Variants in PGD observed in about 807,000 individuals in gnomAD.
PGD encodes the protein phosphogluconate dehydrogenase, also known as 6-phosphogluconate dehydrogenase, decarboxylating.
Under a neutral mutation model 60.4 loss-of-function variants are expected in PGD, and 21 were observed. That is an observed-to-expected ratio of 0.35 (90% CI 0.25 to 0.50). The LOEUF (loss-of-function observed/expected upper bound fraction) is 0.50. Ranked by LOEUF, PGD falls within the 20% of genes least tolerant of loss-of-function variation. The pLI is 0.98. For synonymous variants in PGD, 230 were observed against 235.9 expected, an observed-to-expected ratio of 0.97 and a Z score of 0.23; for missense variants, 477 against 613.1, an observed-to-expected ratio of 0.78 and a Z score of 2.34.
rs763348187 is a variant in PGD at position 10,418,843 on chromosome 1, T to C, written c.1127T>C (p.Ile376Thr). 1.9e-6 allele frequency: 3 copies of C among 1,593,658 alleles called. No individual in the cohort carries two copies. Among genetic ancestry groups the C allele is most frequent in the African/African-American group, 1.3e-5 (1 of 74,242 alleles). Residue 376 changes from isoleucine to threonine, a missense_variant, in exon 11 of 13, where the codon ATA becomes ACA. Ile to Thr is a moderately conservative substitution (Grantham distance 89). Transcript: ENST00000270776. ...CIIRSVFLGK[I>T]KDAFDRNPEL... ...TATTTCAGTGTATTCCTAGGAAAGA[T>C]AAAGGATGCATTTGATCGAAACCCG...
At chr1:10,400,680 C>A in intron 3 of PGD, 108 bp downstream of exon 3, 1 of 814,648 alleles carries the variant, frequency 1.2e-6, no homozygotes, top group Non-Finnish European at 1.9e-6. Flanking sequence ...TCAATTTCTG[C>A]TAAGCTCTGA....
rs142109660 is a variant in PGD, at chr1:10,400,513, C to A, written c.205C>A (p.Arg69=). The change falls in exon 3 of 13, where the codon CGG becomes AGG. Residue 69 remains arginine (R), a synonymous_variant. Transcript: ENST00000270776. ...KEMVSKLKKP[R]RIILLVKAGQ... ...GATGGTCTCCAAGCTGAAGAAGCCCCGGCGGATCATCCTCCTGGTGAAGGC... is the reference window on the plus strand; with the variant it reads ...GATGGTCTCCAAGCTGAAGAAGCCCAGGCGGATCATCCTCCTGGTGAAGGC... 6.2e-7 allele frequency: 1 copy of A among 1,614,046 alleles called. No homozygotes were observed. Among genetic ancestry groups the A allele is most frequent in the Non-Finnish European group, 8.5e-7 (1 of 1,180,004 alleles).
chr1:10,399,893 C>T (rs564205503), intron 2 of PGD, 189 bp downstream of exon 2: 90 of 613,970 alleles, frequency 1.5e-4, no homozygotes, highest in Non-Finnish European at 2.4e-4. Flanking sequence ...GAACTTAGTC[C>T]TGCGGAGTGT....
At chr1:10,415,529 C>T (rs907381722) in intron 8 of PGD, 1 of 152,206 alleles carries the variant, frequency 6.6e-6, no homozygotes, top group African/African-American at 2.4e-5. Context: ...GCTGCCCTCT[C>T]CCCCTCTAAC....
intron 8 of PGD, chr1:10,415,261 C>A (rs1425228279): frequency 6.6e-6 from 1 of 152,074 alleles, no homozygotes; most frequent in Admixed American, 6.6e-5. Flanking sequence ...GGAGGAAAGT[C>A]GGTGGTTTCT....
chr1:10,401,296 TA>T (rs1425004303), intron 3 of PGD, among the ~76,000 whole-genome samples: 1 of 152,256 alleles, frequency 6.6e-6, no homozygotes, highest in African/African-American at 2.4e-5. Flanking sequence ...TTAGCAGGTA[TA>T]TCTTTTTTGG....
chr1:10,400,004 C>T (rs1001878925), intron 2 of PGD: 29 of 517,582 alleles, frequency 5.6e-5, no homozygotes, highest in Non-Finnish European at 8.4e-5. Flanking sequence ...GTGTAGAGCT[C>T]TAACTTGATT....
chr1:10,399,819 T>A, intron 2 of PGD, 115 bp downstream of exon 2: 8 of 886,970 alleles, frequency 9.0e-6, no homozygotes, highest in Admixed American at 2.0e-5. Context: ...TGTGCTCTGT[T>A]GCTGCTCGTG....
At chr1:10,404,578 C>T (rs545482027) in intron 5 of PGD, among the ~76,000 whole-genome samples, 28 of 151,608 alleles carry the variant, frequency 1.8e-4, no homozygotes, top group African/African-American at 6.1e-4. Flanking sequence ...TAGCTCACTG[C>T]ACCCCCCGTC....
Position 10,417,569 on chromosome 1 carries a change from G to A in PGD, c.1109+60G>A, listed in dbSNP as rs181425731. ...GACTCACACGGCTGTGCAGAAGTGC[G>A]ATCTTAGGACACTTAGCTTGAGCAG... On this transcript the variant is annotated intron_variant, in intron 10 of 12. Coordinates refer to ENST00000270776, the MANE Select transcript of PGD (RefSeq NM_002631.4). 4.6e-4 allele frequency: 700 copies of A among 1,534,348 alleles called. 5 individuals are homozygous for A. The African/African-American group carries it at 8.3e-3, about 18-fold the overall frequency.
chr1:10,418,512 C>G (rs938176939), intron 10 of PGD, among the ~76,000 whole-genome samples: 1 of 152,116 alleles, frequency 6.6e-6, no homozygotes, highest in Non-Finnish European at 1.5e-5. Flanking sequence ...CGCGGTGGCT[C>G]ACACCTGTAA....
rs754304349 is a variant in PGD, at chr1:10,408,125, A to G, written c.504A>G (p.Glu168=). 6.3e-6 allele frequency: 10 copies of G among 1,597,956 alleles called. No homozygotes were observed. Among genetic ancestry groups the G allele is most frequent in the Admixed American group, 5.0e-5 (3 of 59,982 alleles). Residue 168 remains glutamate, a synonymous_variant, in exon 6 of 13, where the codon GAA becomes GAG. Coordinates refer to ENST00000270776, the MANE Select transcript of PGD (RefSeq NM_002631.4). ...TTGCTGCAAAAGTGGGAACTGGAGA[A>G]CCCTGCTGTGACTGGGCAAGTTCTG... is the stretch of plus-strand genomic sequence containing the variant. ...QGIAAKVGTG[E]PCCDWVGDEG... is the part of the protein sequence containing the mutation.
At chr1:10,405,448 AAT>A (rs1181834161) in intron 5 of PGD, among the ~76,000 whole-genome samples, 2 of 151,578 alleles carry the variant, frequency 1.3e-5, no homozygotes, top group Non-Finnish European at 2.9e-5. Flanking sequence ...AATTGTGGGC[AAT>A]CCGATATATA....
rs70997229 is a variant in PGD at position 10,420,389 on chromosome 1, CTTTTTTTTTTTTTTT to C, written c.*650_*664del. Among the ~76,000 whole-genome samples the C allele has an allele frequency of 5.3e-5, 4 of 75,060 alleles. No individual in the cohort carries two copies. Among genetic ancestry groups the C allele is most frequent in the Non-Finnish European group, 7.3e-5 (3 of 40,848 alleles). The allele number at this position is 75,060 out of a possible 152,430, so 49.2% of individuals were successfully genotyped here. On this transcript the variant is annotated 3_prime_UTR_variant, in exon 13 of 13. Transcript: ENST00000270776. ...CACTGTAACGTGCTTTTTCTTTCGT[CTTTTTTTTTTTTTTT>C]TTTTTTTTTGCTCCTGGCAAGCTGT... is the stretch of plus-strand genomic sequence containing the variant.
intron 8 of PGD, among the ~76,000 whole-genome samples, chr1:10,416,355 T>G (rs1639594061): frequency 6.6e-6 from 1 of 152,236 alleles, no homozygotes; most frequent in African/African-American, 2.4e-5. Context: ...TATTGGAAGA[T>G]TGTCTTAAGA....
chr1:10,402,517 TCTCAAAAAAAATTTTTTTTTTTTGAGAC>T (rs1639331930), intron 3 of PGD, among the ~76,000 whole-genome samples: 13 of 150,892 alleles, frequency 8.6e-5, no homozygotes, highest in Admixed American at 7.9e-4. Flanking sequence ...TGAGACTCCA[TCTCAAAAAAAATTTTTTTTTTTTGAGAC>T]GGGGTCTCAC....
At chr1:10,410,429 G>A (rs1330054238) in intron 6 of PGD, among the ~76,000 whole-genome samples, 3 of 151,534 alleles carry the variant, frequency 2.0e-5, no homozygotes, top group Admixed American at 2.0e-4. Context: ...GCGACAGAGC[G>A]AGACTCCGTT....
chr1:10,402,647 C>T (rs1436774133), intron 3 of PGD, among the ~76,000 whole-genome samples: 6 of 151,776 alleles, frequency 4.0e-5, no homozygotes, highest in South Asian at 2.1e-4. Flanking sequence ...CTCAGCCTCC[C>T]GAGTAGCTGG....
At chr1:10,405,489 C>G (rs1436210888) in intron 5 of PGD, among the ~76,000 whole-genome samples, 1 of 150,730 alleles carries the variant, frequency 6.6e-6, no homozygotes, top group East Asian at 2.0e-4. Context: ...ATCCGCTTGC[C>G]CTGGCCTCCC....
Sources: allele counts gnomAD v4.1 joint callset (sites outside exome capture counted in the v4.1 genomes callset), GRCh38; gene constraint gnomAD v4.1.1; transcripts MANE v1.5; gene names NCBI Gene and HGNC (gene_info 2026-07-23, HGNC 2026-07-21).